The following DOCK3 variants were observed in gnomAD, a reference collection of about 807,000 sequenced individuals.
DOCK3 encodes dedicator of cytokinesis 3.
DOCK3 carries 60 observed loss-of-function variants against 265.6 expected under a neutral mutation model. The ratio of observed to expected loss-of-function variants is 0.23; its 90% confidence interval spans 0.18 to 0.28. The LOEUF is 0.28. Ranked by LOEUF, DOCK3 falls within the 10% of genes least tolerant of loss-of-function variation. DOCK3 has a pLI of 1.00. For synonymous variants in DOCK3, 881 were observed against 938.0 expected, an observed-to-expected ratio of 0.94 and a Z score of 1.11; for missense variants, 1,981 against 2,594.3, an observed-to-expected ratio of 0.76 and a Z score of 5.14.
intron 33 of DOCK3, 128 bp from the exon 34 acceptor site, chr3:51,332,873 C>G (rs750227339): frequency 3.3e-6 from 4 of 1,226,604 alleles, no homozygotes; most frequent in Admixed American, 2.0e-5. Context: ...TGGCTGGAGC[C>G]GAACCCCTCC....
At chr3:50,878,932 G>A (rs911972370) in intron 3 of DOCK3, among the ~76,000 whole-genome samples, 4 of 151,996 alleles carry the variant, frequency 2.6e-5, no homozygotes, top group African/African-American at 7.2e-5. Context: ...CAGATCTCTC[G>A]GCAGAAACTC....
intron 49 of DOCK3, among the ~76,000 whole-genome samples, chr3:51,362,891 G>A (rs758406989): frequency 3.9e-5 from 6 of 152,314 alleles, no homozygotes; most frequent in African/African-American, 7.2e-5. Context: ...CCGCTGTGCC[G>A]CCATTGCATT....
intron 23 of DOCK3, among the ~76,000 whole-genome samples, chr3:51,270,058 T>C (rs1002385110): frequency 6.6e-6 from 1 of 152,178 alleles, no homozygotes; most frequent in Non-Finnish European, 1.5e-5. Flanking sequence ...CAGATTGTTC[T>C]CAAGAAACTA....
chr3:51,193,166 T>G (rs11130282), intron 12 of DOCK3, among the ~76,000 whole-genome samples: 138,852 of 152,254 alleles, frequency 0.91, 63,461 homozygotes, highest in African/African-American at 0.96. Context: ...TACATTTGTC[T>G]AGATAATAAT....
intron 43 of DOCK3, 60 bp downstream of exon 43, chr3:51,356,553 G>A: frequency 1.3e-6 from 2 of 1,552,430 alleles, no homozygotes; most frequent in African/African-American, 1.4e-5. Flanking sequence ...CCAGCTCTGG[G>A]GGCCCTTCTC....
At chr3:50,799,140 T>G (rs1019011736) in intron 2 of DOCK3, among the ~76,000 whole-genome samples, 4 of 152,282 alleles carry the variant, frequency 2.6e-5, no homozygotes, top group Non-Finnish European at 5.9e-5. Flanking sequence ...TAGTATGTTT[T>G]GAGGTGTAGT....
chr3:51,095,192 T>G (rs2082794305), intron 9 of DOCK3, among the ~76,000 whole-genome samples: 1 of 152,180 alleles, frequency 6.6e-6, no homozygotes, highest in East Asian at 1.9e-4. Flanking sequence ...GTGAATTTGA[T>G]CCTGTCATTA....
At chr3:51,283,517 A>T (rs1225029997) in intron 27 of DOCK3, among the ~76,000 whole-genome samples, 1 of 152,152 alleles carries the variant, frequency 6.6e-6, no homozygotes, top group Non-Finnish European at 1.5e-5. Context: ...ATGCAGCTCC[A>T]TGTGTCTCTC....
At chr3:50,775,218 G>A (rs978918162) in intron 1 of DOCK3, among the ~76,000 whole-genome samples, 1 of 151,752 alleles carries the variant, frequency 6.6e-6, no homozygotes, top group Non-Finnish European at 1.5e-5. Flanking sequence ...CAGATGTTTC[G>A]ACAGATTCAC....
At chr3:50,922,509 G>A (rs35121433) in intron 4 of DOCK3, among the ~76,000 whole-genome samples, 14,367 of 152,248 alleles carry the variant, frequency 0.094, 841 homozygotes, top group Non-Finnish European at 0.12. Flanking sequence ...TTCCCACGTG[G>A]GGCAATGCCC....
intron 9 of DOCK3, among the ~76,000 whole-genome samples, chr3:51,113,724 G>T (rs1014235914): frequency 6.6e-6 from 1 of 152,136 alleles, no homozygotes; most frequent in Non-Finnish European, 1.5e-5. Flanking sequence ...CCTGTATTCT[G>T]CAGTGCCCAG....
At chr3:51,372,316 C>T (rs1263957116) in intron 49 of DOCK3, among the ~76,000 whole-genome samples, 1 of 152,234 alleles carries the variant, frequency 6.6e-6, no homozygotes. Context: ...GTAACCATCA[C>T]CTTCTCCTAC....
intron 1 of DOCK3, among the ~76,000 whole-genome samples, chr3:50,682,695 T>A (rs1414902608): frequency 6.6e-6 from 1 of 152,232 alleles, no homozygotes; most frequent in Non-Finnish European, 1.5e-5. Flanking sequence ...TCCCAACACT[T>A]TGGGAGGCCT....
intron 4 of DOCK3, chr3:50,893,221 A>G (rs1407100551): frequency 3.5e-6 from 1 of 286,366 alleles, no homozygotes; most frequent in East Asian, 1.3e-4. Context: ...TCGGGAATAC[A>G]TGACACAATC....
chr3:50,974,393 G>A (rs1242728249), intron 5 of DOCK3, among the ~76,000 whole-genome samples: 4 of 151,940 alleles, frequency 2.6e-5, no homozygotes, highest in African/African-American at 4.8e-5. Context: ...TTATTAAATA[G>A]GGAATCCTTT....
chr3:51,133,036 A>G (rs2084630441), intron 9 of DOCK3, among the ~76,000 whole-genome samples: 1 of 151,992 alleles, frequency 6.6e-6, no homozygotes, highest in Non-Finnish European at 1.5e-5. Context: ...TTTCCTCAGG[A>G]CCCACCCCCA....
chr3:51,003,714 T>C (rs985773238), intron 5 of DOCK3, among the ~76,000 whole-genome samples: 40 of 152,330 alleles, frequency 2.6e-4, no homozygotes, highest in African/African-American at 8.9e-4. Context: ...ATAACATGTT[T>C]GTCTCTTGGA....
intron 25 of DOCK3, among the ~76,000 whole-genome samples, chr3:51,276,007 C>T (rs2080797820): frequency 6.6e-6 from 1 of 152,070 alleles, no homozygotes; most frequent in African/African-American, 2.4e-5. Context: ...TTAAATTATA[C>T]CATTTTATTA....
At chr3:51,064,858 T>C (rs2081536734) in intron 6 of DOCK3, among the ~76,000 whole-genome samples, 1 of 152,240 alleles carries the variant, frequency 6.6e-6, no homozygotes, top group Non-Finnish European at 1.5e-5. Flanking sequence ...GATTATCCTA[T>C]AAAGTTAAAT....
Sources: gnomAD v4.1 joint callset for allele counts (sites outside exome capture counted in the v4.1 genomes callset) on GRCh38, gnomAD v4.1.1 for gene constraint, MANE v1.5 for transcripts, NCBI Gene and HGNC (gene_info 2026-07-23, HGNC 2026-07-21) for gene names.